TMEM114: variants seen among roughly 807,000 people sequenced by gnomAD.
TMEM114 encodes transmembrane protein 114.
Under a neutral mutation model 6.2 loss-of-function variants are expected in TMEM114, and 6 were observed. The ratio of observed to expected loss-of-function variants is 0.97; its 90% confidence interval spans 0.53 to 1.91. TMEM114 has a LOEUF of 1.91. TMEM114 is among the 40% of genes most tolerant of loss of function. TMEM114 has a pLI of 0.01. For synonymous variants in TMEM114, 104 were observed against 73.0 expected, an observed-to-expected ratio of 1.42 and a Z score of -2.16; for missense variants, 218 against 158.3, an observed-to-expected ratio of 1.38 and a Z score of -2.02.
At chr16:8,554,444 C>T (rs1244399128) in intron 2 of TMEM114, among the ~76,000 whole-genome samples, 1 of 151,936 alleles carries the variant, frequency 6.6e-6, no homozygotes, top group Non-Finnish European at 1.5e-5. Context: ...CATTGCTGAC[C>T]AGAGAGAGAG....
chr16:8,530,353 CT>C, the TMEM114 span, among the ~76,000 whole-genome samples: 1 of 152,150 alleles, frequency 6.6e-6, no homozygotes, highest in South Asian at 2.1e-4. Context: ...GGACGTGACC[CT>C]TTCAGTCTCT....
intron 2 of TMEM114, among the ~76,000 whole-genome samples, chr16:8,563,387 G>T (rs142374010): frequency 2.0e-5 from 3 of 149,296 alleles, no homozygotes; most frequent in African/African-American, 7.5e-5. Context: ...GTGAATGAGT[G>T]AGTGAATGAG....
rs551323374 is a variant in TMEM114, at chr16:8,564,089, G to A, written n.212+25124C>T. 1.3e-3 allele frequency among the ~76,000 whole-genome samples: 201 copies of A among 151,332 alleles called. 18 individuals carry two copies. Among genetic ancestry groups the A allele is most frequent in the African/African-American group, 4.8e-3 (194 of 40,720 alleles). ...AGTGAGTGAGTGCATGAATGAGTGA[G>A]TGAGTGAATGAGTGAGGAAATAAGT... On this transcript the variant is annotated intron_variant and non_coding_transcript_variant, in intron 2 of 2. Coordinates refer to the TMEM114 transcript ENST00000623677.
intron 2 of TMEM114, among the ~76,000 whole-genome samples, chr16:8,586,234 C>G (rs184302451): frequency 6.6e-6 from 1 of 152,210 alleles, no homozygotes. Flanking sequence ...TCTGGAAACT[C>G]GATGTCAAGT....
chr16:8,565,437 T>C (rs1317538648), downstream of TMEM114, among the ~76,000 whole-genome samples: 1 of 152,144 alleles, frequency 6.6e-6, no homozygotes, highest in African/African-American at 2.4e-5. Context: ...GGCCAGTTGT[T>C]TGCCAGGGGT....
the TMEM114 span, among the ~76,000 whole-genome samples, chr16:8,532,499 C>T: frequency 2.4e-4 from 36 of 152,216 alleles, no homozygotes; most frequent in East Asian, 6.6e-3. Flanking sequence ...CTATCCAAGG[C>T]CATGAAAGGT....
At chr16:8,558,300 T>C (rs1174199720) in intron 2 of TMEM114, among the ~76,000 whole-genome samples, 1 of 152,134 alleles carries the variant, frequency 6.6e-6, no homozygotes, top group African/African-American at 2.4e-5. Context: ...AGGTGGGCCA[T>C]GCACCCTCTG....
intron 2 of TMEM114, among the ~76,000 whole-genome samples, chr16:8,542,501 C>G (rs930173138): frequency 6.6e-6 from 1 of 152,134 alleles, no homozygotes; most frequent in Non-Finnish European, 1.5e-5. Flanking sequence ...AGGATTGGGC[C>G]TGATTGAGCT....
the TMEM114 span, among the ~76,000 whole-genome samples, chr16:8,527,471 C>T: frequency 6.6e-5 from 10 of 152,246 alleles, no homozygotes; most frequent in African/African-American, 2.4e-4. Context: ...GACACTTCCC[C>T]GTGGATTTGC....
chr16:8,589,993 G>C lies in TMEM114; in HGVS notation c.-155C>G. 2.6e-6 allele frequency: 1 copy of C among 383,714 alleles called. No individual in the cohort carries two copies. Among genetic ancestry groups the C allele is most frequent in the East Asian group, 3.8e-5 (1 of 26,646 alleles). The allele number at this position is 383,714 out of a possible 1,614,324, so 23.8% of individuals were successfully genotyped here. On this transcript the variant is annotated 5_prime_UTR_variant, in exon 1 of 4. Coordinates refer to ENST00000620492, the MANE Select transcript of TMEM114 (RefSeq NM_001146336.2). ...TGAAAGCCTTTCCTTTGGACCCCGG[G>C]CCCTAGCTTAGACCCTGGCTCCTCA...
chr16:8,567,205 G>A (rs745995050), downstream of TMEM114, among the ~76,000 whole-genome samples: 18 of 152,050 alleles, frequency 1.2e-4, no homozygotes, highest in East Asian at 1.9e-4. Flanking sequence ...CATGGCGCCC[G>A]GCCTCATCAC....
At chr16:8,584,940 A>AAAAAAAAAAAG (rs1409319481) in intron 2 of TMEM114, among the ~76,000 whole-genome samples, 2 of 146,836 alleles carry the variant, frequency 1.4e-5, no homozygotes, top group Admixed American at 6.9e-5. Context: ...AAAAAAAAAA[A>AAAAAAAAAAAG]AAGAAGAAGA....
intron 2 of TMEM114, among the ~76,000 whole-genome samples, chr16:8,547,927 T>G (rs1900723228): frequency 6.6e-6 from 1 of 152,168 alleles, no homozygotes; most frequent in Admixed American, 6.5e-5. Context: ...TGGCCTGCTC[T>G]TTTGACCTCC....
At chr16:8,562,726 G>A (rs1194663706) in intron 2 of TMEM114, among the ~76,000 whole-genome samples, 1 of 151,634 alleles carries the variant, frequency 6.6e-6, no homozygotes, top group South Asian at 2.1e-4. Context: ...GTGAGGGAGG[G>A]AGGGAATGAG....
At chr16:8,552,807 C>T (rs906699789) in intron 2 of TMEM114, among the ~76,000 whole-genome samples, 3 of 152,138 alleles carry the variant, frequency 2.0e-5, no homozygotes, top group Non-Finnish European at 4.4e-5. Flanking sequence ...TGAAACCTTG[C>T]TGTTTCTGCA....
At chr16:8,563,739 G>C (rs1435909337) in intron 2 of TMEM114, among the ~76,000 whole-genome samples, 1 of 150,658 alleles carries the variant, frequency 6.6e-6, no homozygotes, top group Non-Finnish European at 1.5e-5. Context: ...GTGAGTGAAT[G>C]AATGAGTCAG....
At chr16:8,529,102 C>T in the TMEM114 span, among the ~76,000 whole-genome samples, 3 of 152,214 alleles carry the variant, frequency 2.0e-5, no homozygotes, top group Non-Finnish European at 4.4e-5. Context: ...TCCTCAGCAT[C>T]TTGGCTACCT....
chr16:8,569,298 C>A (rs34134900), downstream of TMEM114, among the ~76,000 whole-genome samples: 31,143 of 151,960 alleles, frequency 0.2, 3,338 homozygotes, highest in Middle Eastern at 0.23. Flanking sequence ...GTAGAAAGCC[C>A]ATGTCATGCC....
At chr16:8,573,129 A>G (rs1002569023) in intron 2 of TMEM114, among the ~76,000 whole-genome samples, 2 of 151,098 alleles carry the variant, frequency 1.3e-5, no homozygotes, top group Non-Finnish European at 2.9e-5. Flanking sequence ...TTTGGATGGG[A>G]AAAAGCTTTT....
Sources: gnomAD v4.1 joint callset for allele counts (sites outside exome capture counted in the v4.1 genomes callset) on GRCh38, gnomAD v4.1.1 for gene constraint, MANE v1.5 for transcripts, NCBI Gene and HGNC (gene_info 2026-07-23, HGNC 2026-07-21) for gene names.